Variants in BPIFC observed in about 807,000 individuals in gnomAD.
BPIFC encodes the protein BPI fold-containing family C protein.
In BPIFC, 60 loss-of-function variants were observed where a neutral mutation model predicts 57.6. The ratio of observed to expected loss-of-function variants is 1.04; its 90% confidence interval spans 0.85 to 1.29. The LOEUF (loss-of-function observed/expected upper bound fraction) is 1.29. Among genes scored for constraint, BPIFC ranks in the 50% most tolerant of loss-of-function variants. BPIFC has a pLI of 0.00. For missense variants in BPIFC, 581 were observed against 600.5 expected (o/e 0.97, Z 0.34); for synonymous variants, 243 against 224.5 (o/e 1.08, Z -0.74).
rs1182732476 is a variant in BPIFC at position 32,424,675 on chromosome 22, T to C, written c.1218-5271A>G. On this transcript the variant is annotated intron_variant, in intron 13 of 16. Transcript: ENST00000300399. ...CTTCTTCTTCTTCTTCTTCTTCTTCTTCTTCTTCTTCTTCTTCCTCTTCTT... is the reference window on the plus strand; with the variant it reads ...CTTCTTCTTCTTCTTCTTCTTCTTCCTCTTCTTCTTCTTCTTCCTCTTCTT... Among the ~76,000 whole-genome samples the C allele has an allele frequency of 2.5e-3, 212 of 84,956 alleles. 32 individuals carry two copies. The highest frequency in any genetic ancestry group is 0.019 in the East Asian group (55 of 2,868). 55.7% of individuals were successfully genotyped at this position (84,956 alleles called of 152,430 possible).
chr22:32,416,670 G>C (rs1933687640), intron 15 of BPIFC, among the ~76,000 whole-genome samples: 1 of 152,192 alleles, frequency 6.6e-6, no homozygotes, highest in Admixed American at 6.5e-5. Context: ...GCTGTGCAAG[G>C]AGAAGGCCCA....
Position 32,419,373 on chromosome 22 carries a change from T to C in BPIFC, c.1249A>G (p.Ser417Gly). 6.2e-7 allele frequency: 1 copy of C among 1,613,872 alleles called. No homozygotes were observed. Among genetic ancestry groups the C allele is most frequent in the East Asian group, 2.2e-5 (1 of 44,882 alleles). The change falls in exon 14 of 17, where the codon AGC becomes GGC. Residue 417 changes from serine to glycine, a missense_variant. Transcript: ENST00000300399. ...GCTCAGATTCCTACCTCAATGTTGC[T>C]GCGATTGGACTCTGGCAAAGCAAGG... The part of the protein sequence containing the change: ...FRLALPESNR[S>G]NIEVLRFENI...
intron 8 of BPIFC, 77 bp from the exon 9 acceptor site, chr22:32,437,928 GAAC>G (rs1365779839): frequency 1.3e-5 from 10 of 765,640 alleles, no homozygotes; most frequent in African/African-American, 3.6e-5. Flanking sequence ...TGTCTATCTA[GAAC>G]AATATAATTT....
intron 5 of BPIFC, among the ~76,000 whole-genome samples, chr22:32,446,441 A>C (rs569993509): frequency 5.9e-5 from 9 of 152,332 alleles, no homozygotes; most frequent in African/African-American, 2.2e-4. Context: ...CCCAAGACTT[A>C]GCATGTGGCC....
chr22:32,431,439 A>ATTTATTTATTTATTTATTTATTTATTTT lies in BPIFC; in HGVS notation c.1150-26_1150-25insAAAATAAATAAATAAATAAATAAATAAA. 2.2e-6 allele frequency: 3 copies of ATTTATTTATTTATTTATTTATTTATTTT among 1,343,076 alleles called. 1 individual carries two copies. The highest frequency in any genetic ancestry group is 3.2e-6 in the Non-Finnish European group (3 of 949,336). The allele number at this position is 1,343,076 out of a possible 1,614,324, so 83.2% of individuals were successfully genotyped here. A position where few individuals can be genotyped will look rare whatever the true frequency, so the allele number is the denominator to read the frequency against. On this transcript the variant is annotated intron_variant, in intron 12 of 16. Transcript: ENST00000300399. ...CCTATAGACAATAAAAGCATTTATT[A>ATTTATTTATTTATTTATTTATTTATTTT]TTAAGACGAGTGAGTGTCAATTTTG...
At chr22:32,420,059 T>A (rs564244753) in intron 13 of BPIFC, among the ~76,000 whole-genome samples, 1 of 152,238 alleles carries the variant, frequency 6.6e-6, no homozygotes, top group East Asian at 1.9e-4. Flanking sequence ...GGCTCAAGCC[T>A]GTAATCCCAG....
intron 4 of BPIFC, among the ~76,000 whole-genome samples, chr22:32,450,552 T>C (rs1346597030): frequency 6.6e-6 from 1 of 152,132 alleles, no homozygotes; most frequent in Non-Finnish European, 1.5e-5. Flanking sequence ...ATGTAAAACA[T>C]TGTCATATGA....
At chr22:32,454,302 C>T (rs1934979899) in intron 3 of BPIFC, among the ~76,000 whole-genome samples, 2 of 152,166 alleles carry the variant, frequency 1.3e-5, no homozygotes, top group African/African-American at 4.8e-5. Context: ...TAGGAAACTC[C>T]TGAACTACAT....
At chr22:32,458,078 A>C (rs567242514) in intron 2 of BPIFC, among the ~76,000 whole-genome samples, 1 of 152,238 alleles carries the variant, frequency 6.6e-6, no homozygotes, top group East Asian at 1.9e-4. Flanking sequence ...CCCCCATTAA[A>C]GCCCTTCAGT....
At chr22:32,452,788 T>C (rs969110436) in intron 4 of BPIFC, among the ~76,000 whole-genome samples, 2 of 152,308 alleles carry the variant, frequency 1.3e-5, no homozygotes, top group Admixed American at 1.3e-4. Flanking sequence ...AAATTGTGAA[T>C]CACAGTCACA....
At chr22:32,439,079 A>G (rs1449771203) in intron 8 of BPIFC, among the ~76,000 whole-genome samples, 1 of 151,984 alleles carries the variant, frequency 6.6e-6, no homozygotes, top group Non-Finnish European at 1.5e-5. Context: ...TAATCCCAGC[A>G]CTTTGGGAGG....
At chr22:32,415,572 C>G (rs57670657) in intron 16 of BPIFC, among the ~76,000 whole-genome samples, 5,256 of 152,194 alleles carry the variant, frequency 0.035, 285 homozygotes, top group African/African-American at 0.12. Context: ...AGCCACTTCT[C>G]TCTGAGTCCT....
At chr22:32,442,841 T>C in intron 7 of BPIFC, 110 bp from the exon 8 acceptor site, 1 of 997,944 alleles carries the variant, frequency 1.0e-6, no homozygotes. Flanking sequence ...GCAGTCATTA[T>C]CCCTTTGGTC....
chr22:32,434,179 T>C (rs1334738417), intron 10 of BPIFC, among the ~76,000 whole-genome samples: 1 of 149,598 alleles, frequency 6.7e-6, no homozygotes. Context: ...ACAATCTATC[T>C]ATGTGTACAT....
chr22:32,428,678 G>A (rs990021804), intron 13 of BPIFC, among the ~76,000 whole-genome samples: 9 of 152,014 alleles, frequency 5.9e-5, no homozygotes, highest in Non-Finnish European at 1.3e-4. Context: ...GCCCCAGATC[G>A]CCTGAGGTCA....
chr22:32,428,610 AT>A (rs1375397825), intron 13 of BPIFC, among the ~76,000 whole-genome samples: 1 of 149,554 alleles, frequency 6.7e-6, no homozygotes, highest in Non-Finnish European at 1.5e-5. Context: ...CAAACAAAAC[AT>A]TGTATTTCTG....
rs1263624439 is a variant in BPIFC at position 32,414,299 on chromosome 22, G to T, written c.*4C>A. ...ACTTCCTGGGGTGAATTGCAAACCG[G>T]CAATCAAGGGGCTGACTTCCCCCTC... On this transcript the variant is annotated 3_prime_UTR_variant, in exon 17 of 17. Coordinates refer to ENST00000300399, the MANE Select transcript of BPIFC (RefSeq NM_174932.3). 3.1e-6 allele frequency: 5 copies of T among 1,612,278 alleles called. No homozygotes were observed. Among genetic ancestry groups the T allele is most frequent in the Non-Finnish European group, 4.2e-6 (5 of 1,179,254 alleles).
chr22:32,443,780 C>T (rs1934636213), intron 7 of BPIFC, among the ~76,000 whole-genome samples: 1 of 152,166 alleles, frequency 6.6e-6, no homozygotes, highest in Non-Finnish European at 1.5e-5. Context: ...ATTGTGTCCA[C>T]CTCATCACAT....
rs1569448131 is a variant in BPIFC, at chr22:32,424,699, TTCTTCC to T, written c.1218-5301_1218-5296del. ...CTTCTTCTTCTTCTTCTTCCTCTTC[TTCTTCC>T]TCTTCTTCTTCCTCTTCTTCTTCCT... On this transcript the variant is annotated intron_variant, in intron 13 of 16. Coordinates refer to ENST00000300399, the MANE Select transcript of BPIFC (RefSeq NM_174932.3). Among the ~76,000 whole-genome samples the T allele has an allele frequency of 1.2e-3, 120 of 101,682 alleles. 4 individuals are homozygous for T. The highest frequency in any genetic ancestry group is 1.3e-3 in the Non-Finnish European group (68 of 53,012). 66.7% of individuals were successfully genotyped at this position (101,682 alleles called of 152,430 possible). A position where few individuals can be genotyped will look rare whatever the true frequency, so the allele number is the denominator to read the frequency against.
Sources: gnomAD v4.1 joint callset for allele counts (sites outside exome capture counted in the v4.1 genomes callset) on GRCh38, gnomAD v4.1.1 for gene constraint, MANE v1.5 for transcripts, NCBI Gene and HGNC (gene_info 2026-07-23, HGNC 2026-07-21) for gene names.